Variants in RAD51B observed in about 807,000 individuals in gnomAD.
RAD51B encodes the protein DNA repair protein RAD51 homolog 2.
In RAD51B, 38 loss-of-function variants were observed where a neutral mutation model predicts 42.2. The ratio of observed to expected loss-of-function variants is 0.90; its 90% confidence interval spans 0.70 to 1.18. The LOEUF (loss-of-function observed/expected upper bound fraction) is 1.18, where lower values mean the gene tolerates loss of function less well. RAD51B is among the 50% of genes most tolerant of loss of function. The pLI is 0.00. For missense variants in RAD51B, 373 were observed against 400.7 expected, an observed-to-expected ratio of 0.93 and a Z score of 0.59; for synonymous variants, 154 against 145.2, an observed-to-expected ratio of 1.06 and a Z score of -0.43.
At position 67,825,354 on chromosome 14, in the gene RAD51B, G is replaced by A. The variant is rs538553851; in HGVS notation, c.85-110G>A. Reference sequence around the variant, plus strand: ...ATGAATGTATAAATCTTTGATCTGCGATAAATTATACTTTTGTCTACATAA... The same window carrying A: ...ATGAATGTATAAATCTTTGATCTGCAATAAATTATACTTTTGTCTACATAA... On this transcript the variant is annotated intron_variant, in intron 2 of 10. Transcript: ENST00000471583. The A allele has an allele frequency of 3.1e-5, 20 of 640,404 alleles. No individual in the cohort carries two copies. In the East Asian group the frequency reaches 5.0e-4, roughly 16 times the overall value. 39.7% of individuals were successfully genotyped at this position (640,404 alleles called of 1,614,324 possible).
At position 68,663,102 on chromosome 14, in the gene RAD51B, A is replaced by G. The variant is rs185678600; in HGVS notation, c.*11+12246A>G. On this transcript the variant is annotated intron_variant, in intron 11 of 11. Transcript: ENST00000488612. ...GATCACCTGAGGTCCGGAGTTTGAG[A>G]CCAGCCTGGCCAACATGGTGAAATT... Among the ~76,000 whole-genome samples, 4 of 152,272 alleles carry G rather than the reference A, an allele frequency of 2.6e-5. No individual in the cohort carries two copies. The East Asian group carries it at 7.7e-4, about 29-fold the overall frequency.
intron 7 of RAD51B, among the ~76,000 whole-genome samples, chr14:68,216,877 T>C (rs1281430519): frequency 3.9e-5 from 6 of 152,168 alleles, no homozygotes; most frequent in Admixed American, 2.0e-4. Flanking sequence ...CCTCTCAGCC[T>C]AATCACTACT....
chr14:68,375,546 T>G (rs1486952324), intron 8 of RAD51B, among the ~76,000 whole-genome samples: 1 of 152,098 alleles, frequency 6.6e-6, no homozygotes, highest in African/African-American at 2.4e-5. Context: ...ACTTCCAGAG[T>G]ATGCCGTCCC....
intron 7 of RAD51B, among the ~76,000 whole-genome samples, chr14:68,245,091 T>A (rs984375009): frequency 2.0e-5 from 3 of 152,272 alleles, no homozygotes; most frequent in Middle Eastern, 6.8e-3. Flanking sequence ...GTCCTCATTG[T>A]CTCCTCCATC....
chr14:68,167,453 C>T (rs1180711616), intron 7 of RAD51B, among the ~76,000 whole-genome samples: 1 of 152,136 alleles, frequency 6.6e-6, no homozygotes, highest in Non-Finnish European at 1.5e-5. Flanking sequence ...TCCTTCCCTT[C>T]CTGCTTTATT....
chr14:68,147,974 A>T (rs2078289196), intron 7 of RAD51B, among the ~76,000 whole-genome samples: 1 of 152,138 alleles, frequency 6.6e-6, no homozygotes, highest in Non-Finnish European at 1.5e-5. Context: ...TTTGCAATCC[A>T]TGTCTCTTAC....
intron 7 of RAD51B, among the ~76,000 whole-genome samples, chr14:68,036,526 A>G (rs1198425652): frequency 6.6e-6 from 1 of 152,170 alleles, no homozygotes; most frequent in Non-Finnish European, 1.5e-5. Context: ...AGTACATGTG[A>G]GCTTTGGACA....
Position 67,959,573 on chromosome 14 carries a change from G to T in RAD51B, c.756+72369G>T, listed in dbSNP as rs140953830. Among the ~76,000 whole-genome samples the T allele has an allele frequency of 2.9e-3, 445 of 152,094 alleles. 5 individuals carry two copies. The highest frequency in any genetic ancestry group is 0.01 in the African/African-American group (433 of 41,520). On this transcript the variant is annotated intron_variant, in intron 7 of 10. Coordinates refer to ENST00000471583, the MANE Select transcript of RAD51B (RefSeq NM_133510.4). ...ATACTTTCTTTTGAAATTTATGTTA[G>T]CCTTGAAAAATAATGGTAAGCCGGG...
intron 7 of RAD51B, among the ~76,000 whole-genome samples, chr14:68,285,321 A>G (rs2081393373): frequency 6.6e-6 from 1 of 152,222 alleles, no homozygotes; most frequent in African/African-American, 2.4e-5. Flanking sequence ...CATATATGGC[A>G]ATTAGGATCA....
chr14:68,207,719 A>G (rs778744772), intron 7 of RAD51B, among the ~76,000 whole-genome samples: 5 of 152,172 alleles, frequency 3.3e-5, no homozygotes, highest in Non-Finnish European at 7.4e-5. Context: ...GGTGGTCAGG[A>G]TTAGAAAGAA....
intron 10 of RAD51B, among the ~76,000 whole-genome samples, chr14:68,589,834 A>G (rs2140074983): frequency 6.6e-6 from 1 of 152,246 alleles, no homozygotes; most frequent in African/African-American, 2.4e-5. Context: ...GGTTACAGGG[A>G]TAGAAAGGGC....
intron 10 of RAD51B, among the ~76,000 whole-genome samples, chr14:68,510,313 CA>C (rs1283269506): frequency 6.6e-6 from 1 of 152,214 alleles, no homozygotes; most frequent in Non-Finnish European, 1.5e-5. Context: ...TTTTAGGAAA[CA>C]AAAACACTGG....
intron 7 of RAD51B, among the ~76,000 whole-genome samples, chr14:68,274,490 A>G (rs1189239877): frequency 6.6e-6 from 1 of 152,144 alleles, no homozygotes; most frequent in Non-Finnish European, 1.5e-5. Flanking sequence ...ATCATCCAAT[A>G]CCCAGCCCAA....
At chr14:68,464,922 C>T (rs954869427) in intron 9 of RAD51B, among the ~76,000 whole-genome samples, 16 of 152,138 alleles carry the variant, frequency 1.1e-4, no homozygotes, top group Non-Finnish European at 1.6e-4. Context: ...CTTTGATTTC[C>T]GGCAGAGAGG....
At chr14:68,431,155 G>A (rs10135804) in intron 9 of RAD51B, among the ~76,000 whole-genome samples, 16,699 of 152,060 alleles carry the variant, frequency 0.11, 1,519 homozygotes, top group African/African-American at 0.25. Flanking sequence ...CAGTTTGCCA[G>A]TATTTTATTG....
At chr14:67,872,946 G>A (rs2140014908) in intron 5 of RAD51B, among the ~76,000 whole-genome samples, 1 of 152,266 alleles carries the variant, frequency 6.6e-6, no homozygotes, top group East Asian at 1.9e-4. Context: ...ATTCAAGATG[G>A]ATTAAAGACT....
rs144882898 is a variant in RAD51B at position 68,409,725 on chromosome 14, A to C, written c.854-1699A>C. 9.2e-5 allele frequency among the ~76,000 whole-genome samples: 14 copies of C among 152,358 alleles called. No homozygotes were observed. In the East Asian group the frequency reaches 2.7e-3, roughly 29 times the overall value. On this transcript the variant is annotated intron_variant, in intron 8 of 10. Transcript: ENST00000471583. ...AGAGAGAGATGCAGAGGCAGCTGAC[A>C]AAGTGCTCAGAGTGCATTGTTTAGG...
At chr14:68,651,708 C>CT (rs141849727) in intron 11 of RAD51B, among the ~76,000 whole-genome samples, 3,044 of 152,322 alleles carry the variant, frequency 0.02, 54 homozygotes, top group Non-Finnish European at 0.029. Context: ...GTAGGCTTCG[C>CT]TTGGCACCGT....
rs146506559 is a variant in RAD51B, at chr14:67,853,677, C to T, written c.316-11326C>T. 1.4e-4 allele frequency among the ~76,000 whole-genome samples: 21 copies of T among 152,310 alleles called. 1 individual carries two copies. In the East Asian group the frequency reaches 4.0e-3, roughly 29 times the overall value. On this transcript the variant is annotated intron_variant, in intron 4 of 10. Transcript: ENST00000471583. ...CTGGTGGGTGGGTGGGGTAAGGCAA[C>T]TGATTGAATGAACTTAGAGTGGATC... is the stretch of plus-strand genomic sequence containing the variant.
Sources: allele counts gnomAD v4.1 joint callset (sites outside exome capture counted in the v4.1 genomes callset), GRCh38; gene constraint gnomAD v4.1.1; transcripts MANE v1.5; gene names NCBI Gene and HGNC (gene_info 2026-07-23, HGNC 2026-07-21).